The following DOCK7 variants were observed in gnomAD, a reference collection of about 807,000 sequenced individuals.
The protein encoded by DOCK7 is dedicator of cytokinesis 7.
DOCK7 carries 138 observed loss-of-function variants against 271.0 expected under a neutral mutation model. The ratio of observed to expected loss-of-function variants is 0.51; its 90% confidence interval spans 0.44 to 0.59. The LOEUF (loss-of-function observed/expected upper bound fraction) is 0.59. DOCK7 is among the 20% of genes least tolerant of loss of function. DOCK7 has a pLI of 0.00. For synonymous variants in DOCK7, 823 were observed against 876.1 expected (o/e 0.94, Z 1.07); for missense variants, 2,066 against 2,592.4 (o/e 0.80, Z 4.41).
chr1:62,614,425 T>C (rs1652192591), intron 14 of DOCK7, among the ~76,000 whole-genome samples: 1 of 152,040 alleles, frequency 6.6e-6, no homozygotes, highest in Non-Finnish European at 1.5e-5. Flanking sequence ...AAACAACTTT[T>C]AATGATTTGG....
At chr1:62,587,651 A>G (rs1031182142) in intron 14 of DOCK7, among the ~76,000 whole-genome samples, 4 of 152,174 alleles carry the variant, frequency 2.6e-5, no homozygotes, top group Non-Finnish European at 5.9e-5. Context: ...AGATACCTTA[A>G]TAAGAAGGAA....
chr1:62,597,521 GA>G (rs757596386), intron 14 of DOCK7: 2 of 1,606,452 alleles, frequency 1.2e-6, no homozygotes, highest in African/African-American at 1.3e-5. Context: ...TCTGCTTCCA[GA>G]AGAAAACAGT....
At chr1:62,576,672 G>C (rs1646950007) in intron 18 of DOCK7, among the ~76,000 whole-genome samples, 1 of 152,142 alleles carries the variant, frequency 6.6e-6, no homozygotes, top group African/African-American at 2.4e-5. Context: ...GACAACCATT[G>C]TGTTTCTCTC....
intron 48 of DOCK7, among the ~76,000 whole-genome samples, chr1:62,464,944 A>G (rs1300354334): frequency 6.6e-6 from 1 of 152,240 alleles, no homozygotes; most frequent in African/African-American, 2.4e-5. Flanking sequence ...ATGAATGCAT[A>G]AAGTATATGA....
At chr1:62,499,739 C>G (rs1249420876) in intron 37 of DOCK7, among the ~76,000 whole-genome samples, 1 of 151,780 alleles carries the variant, frequency 6.6e-6, no homozygotes, top group Non-Finnish European at 1.5e-5. Flanking sequence ...CCAGGCATGA[C>G]ATGGTGGTGT....
At chr1:62,672,823 T>TA (rs1660160763) in intron 1 of DOCK7, among the ~76,000 whole-genome samples, 2 of 152,156 alleles carry the variant, frequency 1.3e-5, no homozygotes, top group Admixed American at 6.5e-5. Context: ...ATAAAGCTCC[T>TA]AAAGCTTTCC....
At chr1:62,640,727 T>C (rs527732542) in intron 7 of DOCK7, among the ~76,000 whole-genome samples, 6 of 152,314 alleles carry the variant, frequency 3.9e-5, no homozygotes, top group African/African-American at 1.2e-4. Flanking sequence ...TTTCACATTC[T>C]AGCAGCTACA....
chr1:62,661,184 AATACT>A (rs1409032780), intron 2 of DOCK7, among the ~76,000 whole-genome samples: 1 of 152,170 alleles, frequency 6.6e-6, no homozygotes, highest in Non-Finnish European at 1.5e-5. Context: ...CAAAAGGACA[AATACT>A]GTATGATTCC....
intron 10 of DOCK7, among the ~76,000 whole-genome samples, chr1:62,632,502 C>A (rs1182862762): frequency 1.3e-5 from 2 of 152,216 alleles, no homozygotes; most frequent in African/African-American, 4.8e-5. Context: ...AATAGCAAAA[C>A]ATTTTCTGGG....
chr1:62,669,947 C>T (rs1410728793), intron 1 of DOCK7, among the ~76,000 whole-genome samples: 12 of 152,238 alleles, frequency 7.9e-5, no homozygotes, highest in Non-Finnish European at 1.0e-4. Flanking sequence ...GCTGGAGTTC[C>T]GGGTGGGCGT....
intron 2 of DOCK7, among the ~76,000 whole-genome samples, chr1:62,661,689 T>C (rs528257137): frequency 6.6e-6 from 1 of 152,190 alleles, no homozygotes; most frequent in East Asian, 1.9e-4. Flanking sequence ...GTCCTAGTGA[T>C]GTGGAAGGAC....
intron 9 of DOCK7, 61 bp from the exon 10 acceptor site, chr1:62,633,639 C>T (rs977323338): frequency 1.7e-6 from 2 of 1,170,728 alleles, no homozygotes; most frequent in Non-Finnish European, 2.5e-6. Context: ...AAGGATGGTT[C>T]AATATACGAA....
At position 62,456,707 on chromosome 1, in the gene DOCK7, C is replaced by G. The variant is rs943329262; in HGVS notation, c.6380+831G>C. Among the ~76,000 whole-genome samples the G allele has an allele frequency of 8.5e-5, 13 of 152,078 alleles. No individual in the cohort carries two copies. The South Asian group carries it at 2.5e-3, about 29-fold the overall frequency. The stretch of plus-strand genomic sequence containing the variant: ...CATGGAAAGGAGTTTCCATGGAGAT[C>G]TGAAGGAACTGAGATGAGGATTAGG... On this transcript the variant is annotated intron_variant, in intron 49 of 49. Transcript: ENST00000635253.
intron 1 of DOCK7, among the ~76,000 whole-genome samples, chr1:62,684,230 C>T (rs1199081118): frequency 6.6e-6 from 1 of 150,752 alleles, no homozygotes; most frequent in Non-Finnish European, 1.5e-5. Flanking sequence ...AAAAAAAAAT[C>T]TGAAATCAGA....
chr1:62,499,064 A>G (rs1209203270), intron 37 of DOCK7, among the ~76,000 whole-genome samples: 1 of 152,086 alleles, frequency 6.6e-6, no homozygotes, highest in African/African-American at 2.4e-5. Flanking sequence ...GGCCTCCCAA[A>G]GTGCTGGGAT....
chr1:62,590,208 C>G (rs1330432028), intron 14 of DOCK7, among the ~76,000 whole-genome samples: 3 of 151,834 alleles, frequency 2.0e-5, no homozygotes. Flanking sequence ...AAAGTAGGGT[C>G]AGGAATAAAA....
intron 14 of DOCK7, among the ~76,000 whole-genome samples, chr1:62,609,775 C>G (rs1651515365): frequency 6.6e-6 from 1 of 152,074 alleles, no homozygotes; most frequent in Non-Finnish European, 1.5e-5. Flanking sequence ...GATGCAAGCC[C>G]CTAACTAAAA....
At chr1:62,636,499 T>C (rs1655288542) in intron 8 of DOCK7, 38 bp downstream of exon 8, 7 of 1,490,900 alleles carry the variant, frequency 4.7e-6, no homozygotes, top group South Asian at 1.2e-5. Flanking sequence ...AAACCAATGA[T>C]TATGACAAAT....
chr1:62,667,818 G>C (rs558204714), intron 1 of DOCK7, among the ~76,000 whole-genome samples: 3 of 152,212 alleles, frequency 2.0e-5, no homozygotes, highest in Non-Finnish European at 4.4e-5. Flanking sequence ...AGGAGTTCGC[G>C]ACCAGTCTGG....
Sources: gnomAD v4.1 joint callset for allele counts (sites outside exome capture counted in the v4.1 genomes callset) on GRCh38, gnomAD v4.1.1 for gene constraint, MANE v1.5 for transcripts, NCBI Gene and HGNC (gene_info 2026-07-23, HGNC 2026-07-21) for gene names.